GALNT17: variants seen among roughly 807,000 people sequenced by gnomAD.
The protein encoded by GALNT17 is polypeptide N-acetylgalactosaminyltransferase 17.
A neutral mutation model predicts 63.7 loss-of-function variants in GALNT17; 29 were observed. That is an observed-to-expected ratio of 0.46 (90% CI 0.34 to 0.62). The LOEUF is 0.62. Ranked by LOEUF, GALNT17 falls within the 20% of genes least tolerant of loss-of-function variation. The pLI is 0.01. For synonymous variants in GALNT17, 305 were observed against 318.3 expected (o/e 0.96, Z 0.45); for missense variants, 603 against 799.6 (o/e 0.75, Z 2.97).
At chr7:71,210,886 A>G (rs12538186) in intron 1 of GALNT17, among the ~76,000 whole-genome samples, 47,149 of 152,148 alleles carry the variant, frequency 0.31, 8,807 homozygotes, top group South Asian at 0.53. Flanking sequence ...TCTTATTGTC[A>G]CTATTTTTTA....
At chr7:71,558,149 G>A (rs118142284) in intron 5 of GALNT17, among the ~76,000 whole-genome samples, 1,887 of 152,182 alleles carry the variant, frequency 0.012, 20 homozygotes, top group Middle Eastern at 0.061. Context: ...TCTCCTCCAC[G>A]GCTTCATCTT....
chr7:71,197,038 T>G (rs1205155220), intron 1 of GALNT17, among the ~76,000 whole-genome samples: 1 of 152,108 alleles, frequency 6.6e-6, no homozygotes, highest in African/African-American at 2.4e-5. Context: ...ATACTTTGAT[T>G]CAGACATGCA....
intron 1 of GALNT17, among the ~76,000 whole-genome samples, chr7:71,208,449 CTTTTTTT>C (rs11341410): frequency 2.6e-5 from 3 of 113,440 alleles, no homozygotes; most frequent in East Asian, 5.1e-4. Flanking sequence ...TTAATAAATG[CTTTTTTT>C]TTTTTTTTTT....
At chr7:71,327,341 G>GGCA (rs1332049816) in intron 1 of GALNT17, among the ~76,000 whole-genome samples, 1 of 152,158 alleles carries the variant, frequency 6.6e-6, no homozygotes, top group Non-Finnish European at 1.5e-5. Flanking sequence ...TGTCTTACAT[G>GGCA]GCAGCAGACA....
rs771903334 is a variant in GALNT17, at chr7:71,555,270, T to A, written c.963-16015T>A. Among the ~76,000 whole-genome samples the A allele has an allele frequency of 4.4e-4, 66 of 151,094 alleles. 1 individual carries two copies. Among genetic ancestry groups the A allele is most frequent in the Admixed American group, 1.3e-4 (2 of 15,126 alleles). ...CTGACATCCAAATTATATCAGTCTTTTGGGGCACTGGAACTTTCCCATATG... is the reference window on the plus strand; with the variant it reads ...CTGACATCCAAATTATATCAGTCTTATGGGGCACTGGAACTTTCCCATATG... On this transcript the variant is annotated intron_variant, in intron 5 of 10. Transcript: ENST00000333538.
At chr7:71,459,911 A>G (rs1473236802) in intron 5 of GALNT17, among the ~76,000 whole-genome samples, 2 of 152,152 alleles carry the variant, frequency 1.3e-5, no homozygotes, top group Admixed American at 6.5e-5. Context: ...TTTCCTTTCT[A>G]TTAACCCCAG....
chr7:71,298,358 A>G (rs924474822), intron 1 of GALNT17, among the ~76,000 whole-genome samples: 6 of 133,884 alleles, frequency 4.5e-5, no homozygotes, highest in Non-Finnish European at 9.4e-5. Flanking sequence ...TCAATAAACT[A>G]ATGGCTGTAC....
At chr7:71,268,370 C>A (rs552912937) in intron 1 of GALNT17, among the ~76,000 whole-genome samples, 2 of 140,076 alleles carry the variant, frequency 1.4e-5, no homozygotes, top group Non-Finnish European at 1.5e-5. Flanking sequence ...GGTGAAACCC[C>A]GTGTCTACAA....
At chr7:71,139,273 C>T (rs1312668119) in intron 1 of GALNT17, among the ~76,000 whole-genome samples, 1 of 152,146 alleles carries the variant, frequency 6.6e-6, no homozygotes, top group Non-Finnish European at 1.5e-5. Flanking sequence ...TCTGGAGCTT[C>T]ACTTGCCCCT....
chr7:71,475,085 C>T (rs1399649059), intron 5 of GALNT17, among the ~76,000 whole-genome samples: 1 of 152,102 alleles, frequency 6.6e-6, no homozygotes, highest in East Asian at 1.9e-4. Flanking sequence ...GATTTTGTTC[C>T]CCAGTGAAAC....
At chr7:71,702,339 C>T (rs886917256) in intron 9 of GALNT17, among the ~76,000 whole-genome samples, 9 of 152,106 alleles carry the variant, frequency 5.9e-5, no homozygotes, top group African/African-American at 2.2e-4. Flanking sequence ...AGAGAAGGAA[C>T]AGCCAGTGCA....
intron 3 of GALNT17, among the ~76,000 whole-genome samples, chr7:71,415,360 G>A (rs549150783): frequency 4.8e-4 from 73 of 152,246 alleles, no homozygotes; most frequent in African/African-American, 1.7e-3. Flanking sequence ...GATAAAATTA[G>A]CTCATAGAAA....
chr7:71,141,027 A>T (rs1346582090), intron 1 of GALNT17, among the ~76,000 whole-genome samples: 1 of 8,874 alleles, frequency 1.1e-4, no homozygotes, highest in Admixed American at 1.5e-3. Context: ...CCAAACTCTA[A>T]AAAAAAACCC....
chr7:71,234,401 C>T (rs757694641), intron 1 of GALNT17, among the ~76,000 whole-genome samples: 59 of 152,092 alleles, frequency 3.9e-4, no homozygotes, highest in Non-Finnish European at 7.8e-4. Flanking sequence ...AGCTAGATTA[C>T]AGGCATCTGC....
At chr7:71,174,328 A>T (rs1383844411) in intron 1 of GALNT17, among the ~76,000 whole-genome samples, 2 of 152,164 alleles carry the variant, frequency 1.3e-5, no homozygotes. Context: ...ATGACCGCAC[A>T]TTGGCACTGG....
intron 1 of GALNT17, among the ~76,000 whole-genome samples, chr7:71,316,006 A>C (rs1373081797): frequency 6.6e-6 from 1 of 152,166 alleles, no homozygotes. Context: ...TTCTCCTTGG[A>C]ATGTGAACAC....
intron 1 of GALNT17, among the ~76,000 whole-genome samples, chr7:71,299,056 C>T (rs1791139219): frequency 6.6e-6 from 1 of 152,048 alleles, no homozygotes; most frequent in Non-Finnish European, 1.5e-5. Context: ...ATTTTAGTCA[C>T]TCACCTGCGG....
chr7:71,364,054 T>G (rs966245727), intron 2 of GALNT17, among the ~76,000 whole-genome samples: 1 of 152,136 alleles, frequency 6.6e-6, no homozygotes, highest in African/African-American at 2.4e-5. Flanking sequence ...GTACAGGTGG[T>G]ATTTGGTTAC....
chr7:71,379,889 G>C (rs10235834), intron 2 of GALNT17, among the ~76,000 whole-genome samples: 6,048 of 152,064 alleles, frequency 0.04, 342 homozygotes, highest in African/African-American at 0.12. Flanking sequence ...TATGAAGAGA[G>C]AACAGTGAAG....
Sources: gnomAD v4.1 joint callset for allele counts (sites outside exome capture counted in the v4.1 genomes callset) on GRCh38, gnomAD v4.1.1 for gene constraint, MANE v1.5 for transcripts, NCBI Gene and HGNC (gene_info 2026-07-23, HGNC 2026-07-21) for gene names.